Variants in ELMOD1 observed in about 807,000 individuals in gnomAD.
ELMOD1 encodes ELMO domain containing 1.
ELMOD1 carries 21 observed loss-of-function variants against 46.7 expected under a neutral mutation model. The ratio of observed to expected loss-of-function variants is 0.45; its 90% CI spans 0.32 to 0.65. The LOEUF (loss-of-function observed/expected upper bound fraction) is 0.65, where lower values mean the gene tolerates loss of function less well. Ranked by LOEUF, ELMOD1 falls within the 30% of genes least tolerant of loss-of-function variation. The probability of loss-of-function intolerance (pLI) is 0.04; values close to 1 mark genes in which losing one functional copy is unlikely to be tolerated. For missense variants in ELMOD1, 348 were observed against 407.8 expected (o/e 0.85, Z 1.26); for synonymous variants, 122 against 138.2 (o/e 0.88, Z 0.82).
At chr11:107,664,486 A>G (rs1056664011) in intron 11 of ELMOD1, among the ~76,000 whole-genome samples, 22 of 152,228 alleles carry the variant, frequency 1.4e-4, no homozygotes, top group African/African-American at 4.8e-4. Context: ...AGGAAGTCTT[A>G]TTAACAATTT....
chr11:107,621,745 G>A (rs755362882), intron 2 of ELMOD1, among the ~76,000 whole-genome samples: 4 of 62,780 alleles, frequency 6.4e-5, no homozygotes, highest in South Asian at 6.8e-4. Flanking sequence ...TGAATGTGAG[G>A]GCCAGGCATG....
chr11:107,635,816 C>T, intron 6 of ELMOD1, 51 bp downstream of exon 6: 1 of 1,563,982 alleles, frequency 6.4e-7, no homozygotes, highest in Non-Finnish European at 8.7e-7. Flanking sequence ...CTGACATTTG[C>T]CAGGCACCTG....
chr11:107,605,727 A>T (rs914239777), intron 1 of ELMOD1, among the ~76,000 whole-genome samples: 2 of 152,080 alleles, frequency 1.3e-5, no homozygotes, highest in African/African-American at 2.4e-5. Context: ...AGGGGAAAAA[A>T]CCTTCTTTGT....
chr11:107,603,017 G>A (rs1865628679), intron 1 of ELMOD1, among the ~76,000 whole-genome samples: 1 of 152,124 alleles, frequency 6.6e-6, no homozygotes, highest in South Asian at 2.1e-4. Context: ...GGAGTTGAGT[G>A]GGAGAAGAAG....
intron 1 of ELMOD1, among the ~76,000 whole-genome samples, chr11:107,603,530 CCCTGTATTTAAAAAACAAAA>C (rs1865638325): frequency 6.6e-6 from 1 of 151,842 alleles, no homozygotes; most frequent in Non-Finnish European, 1.5e-5. Context: ...TAGAGCGAGA[CCCTGTATTTAAAAAACAAAA>C]CCAACAACAA....
intron 11 of ELMOD1, among the ~76,000 whole-genome samples, chr11:107,656,891 A>C (rs1456664040): frequency 6.6e-6 from 1 of 152,228 alleles, no homozygotes. Context: ...AAAAAGGCAT[A>C]GATGAAAAAT....
chr11:107,615,125 C>A (rs2135670514), intron 1 of ELMOD1, among the ~76,000 whole-genome samples: 1 of 151,684 alleles, frequency 6.6e-6, no homozygotes, highest in African/African-American at 2.4e-5. Flanking sequence ...GCGTAGCAGG[C>A]ATTAACATAT....
intron 6 of ELMOD1, among the ~76,000 whole-genome samples, chr11:107,640,958 G>T (rs1323119863): frequency 6.6e-6 from 1 of 152,126 alleles, no homozygotes; most frequent in South Asian, 2.1e-4. Flanking sequence ...GTGGAGAGGG[G>T]ATATAACATA....
intron 2 of ELMOD1, chr11:107,623,555 A>G (rs957964617): frequency 1.3e-5 from 2 of 152,218 alleles, no homozygotes; most frequent in Admixed American, 6.5e-5. Context: ...AAGTGAGGAA[A>G]GCACGCTGAT....
intron 1 of ELMOD1, among the ~76,000 whole-genome samples, chr11:107,599,967 G>T (rs906380408): frequency 1.3e-5 from 2 of 151,874 alleles, no homozygotes; most frequent in Non-Finnish European, 2.9e-5. Context: ...ACCAATTCAG[G>T]TGCTAATTAT....
At chr11:107,609,069 C>T (rs1168242589) in intron 1 of ELMOD1, among the ~76,000 whole-genome samples, 2 of 152,122 alleles carry the variant, frequency 1.3e-5, no homozygotes, top group Non-Finnish European at 2.9e-5. Context: ...TTTCAATTTC[C>T]TCAGCTGCAA....
At chr11:107,596,940 G>A (rs1235073300) in intron 1 of ELMOD1, among the ~76,000 whole-genome samples, 2 of 152,096 alleles carry the variant, frequency 1.3e-5, no homozygotes, top group Non-Finnish European at 2.9e-5. Flanking sequence ...AATCCCTCTA[G>A]CACACATTTA....
chr11:107,634,014 G>A (rs962495040), intron 5 of ELMOD1, among the ~76,000 whole-genome samples: 8 of 151,908 alleles, frequency 5.3e-5, no homozygotes, highest in Non-Finnish European at 8.8e-5. Context: ...AAGTTCTGTT[G>A]CCCTCAACTT....
At chr11:107,612,673 C>T (rs1865799780) in intron 1 of ELMOD1, among the ~76,000 whole-genome samples, 1 of 152,158 alleles carries the variant, frequency 6.6e-6, no homozygotes, top group African/African-American at 2.4e-5. Flanking sequence ...AATAGTGGCT[C>T]AGAACATCAC....
intron 1 of ELMOD1, among the ~76,000 whole-genome samples, chr11:107,614,780 C>G (rs1865833297): frequency 6.6e-6 from 1 of 152,172 alleles, no homozygotes; most frequent in African/African-American, 2.4e-5. Flanking sequence ...ACTTGCTTTT[C>G]CTTATCTTGC....
intron 2 of ELMOD1, among the ~76,000 whole-genome samples, chr11:107,618,910 A>T (rs541530409): frequency 1.5e-3 from 230 of 152,314 alleles, no homozygotes; most frequent in African/African-American, 5.3e-3. Flanking sequence ...AATACGGCAA[A>T]ATAAAGTTAG....
At chr11:107,607,589 C>G (rs899173326) in intron 1 of ELMOD1, among the ~76,000 whole-genome samples, 2 of 152,068 alleles carry the variant, frequency 1.3e-5, no homozygotes, top group Non-Finnish European at 2.9e-5. Flanking sequence ...GCCTGGGGGT[C>G]CAGGCCACAG....
chr11:107,644,204 A>T (rs922086762), intron 6 of ELMOD1, among the ~76,000 whole-genome samples: 1 of 151,944 alleles, frequency 6.6e-6, no homozygotes, highest in Admixed American at 6.5e-5. Context: ...GCTGAGGCAC[A>T]AGAATCCCTT....
intron 1 of ELMOD1, among the ~76,000 whole-genome samples, chr11:107,605,202 T>C (rs1014233540): frequency 2.7e-5 from 4 of 148,928 alleles, no homozygotes; most frequent in Admixed American, 6.7e-5. Flanking sequence ...TTTTTTTTTT[T>C]TTTTTTTTCT....
Sources: allele counts gnomAD v4.1 joint callset (sites outside exome capture counted in the v4.1 genomes callset), GRCh38; gene constraint gnomAD v4.1.1; transcripts MANE v1.5; gene names NCBI Gene and HGNC (gene_info 2026-07-23, HGNC 2026-07-21).